RPS6KA2: variants seen among roughly 807,000 people sequenced by gnomAD.
The protein encoded by RPS6KA2 is ribosomal protein S6 kinase A2, also known as ribosomal protein S6 kinase alpha-2.
RPS6KA2 carries 42 observed loss-of-function variants against 91.8 expected under a neutral mutation model. The ratio of observed to expected loss-of-function variants is 0.46; its 90% CI spans 0.36 to 0.59. The LOEUF (loss-of-function observed/expected upper bound fraction) is 0.59. Among genes scored for constraint, RPS6KA2 ranks in the 20% least tolerant of loss-of-function variants. RPS6KA2 has a pLI of 0.00. For missense variants in RPS6KA2, 798 were observed against 978.5 expected (o/e 0.82, Z 2.46); for synonymous variants, 414 against 393.6 (o/e 1.05, Z -0.61).
At chr6:166,580,956 C>T (rs1784990285) in intron 1 of RPS6KA2, among the ~76,000 whole-genome samples, 1 of 152,074 alleles carries the variant, frequency 6.6e-6, no homozygotes, top group South Asian at 2.1e-4. Flanking sequence ...GGCTGGAATG[C>T]AGTGGCGCAA....
Position 166,666,689 on chromosome 6 carries a change from G to C in RPS6KA2, c.124-127905C>G, listed in dbSNP as rs945671709. Among the ~76,000 whole-genome samples, 1 of 152,200 alleles carries C rather than the reference G, an allele frequency of 6.6e-6. No homozygotes were observed. Among genetic ancestry groups the C allele is most frequent in the Non-Finnish European group, 1.5e-5 (1 of 68,038 alleles). ...GGTGGAAATGTAAAACGGTGCAGGAGCTCTGGAAAACAGTATGGCCATTCC... is the reference window on the plus strand; with the variant it reads ...GGTGGAAATGTAAAACGGTGCAGGACCTCTGGAAAACAGTATGGCCATTCC... On this transcript the variant is annotated intron_variant, in intron 2 of 21. Coordinates refer to the RPS6KA2 transcript ENST00000503859. The surrounding 1 kb of genome is among the most constrained non-coding windows in gnomAD (Gnocchi z 4.0).
intron 1 of RPS6KA2, among the ~76,000 whole-genome samples, chr6:166,861,040 C>A (rs954294959): frequency 1.3e-5 from 2 of 152,208 alleles, no homozygotes; most frequent in Non-Finnish European, 2.9e-5. Context: ...CTATGCCCAA[C>A]AGTCTCTGCT....
chr6:166,585,044 G>C (rs1366285349), intron 1 of RPS6KA2, among the ~76,000 whole-genome samples: 1 of 152,080 alleles, frequency 6.6e-6, no homozygotes. Flanking sequence ...GGTCATCTTT[G>C]CACCTCTGAG....
chr6:166,630,491 G>A (rs1787042427), upstream of RPS6KA2, among the ~76,000 whole-genome samples: 2 of 152,340 alleles, frequency 1.3e-5, no homozygotes, highest in African/African-American at 4.8e-5. Context: ...TTTTGCCATG[G>A]GAGGTGAATT....
Position 166,500,861 on chromosome 6 carries a change from G to C in RPS6KA2, c.604+26C>G, listed in dbSNP as rs1430815798. On this transcript the variant is annotated intron_variant, in intron 7 of 20. Transcript: ENST00000265678. This position sits in a 1 kb window ranked among gnomAD's most constrained non-coding sequence, Gnocchi z 4.3. Reference sequence around the variant, plus strand: ...GTACCAGGGCTGAGATGAAGCCATGGAGGGGGCCTGCCGTCTTTTACAAAC... The same window carrying C: ...GTACCAGGGCTGAGATGAAGCCATGCAGGGGGCCTGCCGTCTTTTACAAAC... 1 of 1,611,106 alleles carries C rather than the reference G, an allele frequency of 6.2e-7. No homozygotes were observed. Among genetic ancestry groups the C allele is most frequent in the Non-Finnish European group, 8.5e-7 (1 of 1,177,324 alleles).
intron 2 of RPS6KA2, among the ~76,000 whole-genome samples, chr6:166,777,943 TAAAAG>T (rs1778669499): frequency 6.6e-6 from 1 of 152,012 alleles, no homozygotes; most frequent in Non-Finnish European, 1.5e-5. Context: ...TTGAAAGATA[TAAAAG>T]AAGACTAAAG....
chr6:166,731,697 C>T (rs1461184113), intron 2 of RPS6KA2, among the ~76,000 whole-genome samples: 1 of 149,246 alleles, frequency 6.7e-6, no homozygotes, highest in East Asian at 1.9e-4. Context: ...CTACACACAA[C>T]CTCTGATGAG....
chr6:166,455,392 C>T (rs112482269), intron 12 of RPS6KA2, among the ~76,000 whole-genome samples: 28 of 152,136 alleles, frequency 1.8e-4, no homozygotes, highest in Non-Finnish European at 3.5e-4. Context: ...GGTGCTCTTC[C>T]TGGGGTAGGA....
intron 1 of RPS6KA2, among the ~76,000 whole-genome samples, chr6:166,560,939 T>G (rs944784202): frequency 1.6e-5 from 1 of 60,906 alleles, no homozygotes; most frequent in African/African-American, 1.3e-4. Flanking sequence ...AACATGGTGT[T>G]TTTTTTTTTC....
At chr6:166,524,700 C>T (rs915862555) in intron 3 of RPS6KA2, among the ~76,000 whole-genome samples, 17 of 152,290 alleles carry the variant, frequency 1.1e-4, no homozygotes, top group South Asian at 2.1e-4. Flanking sequence ...TTGCTTGAGC[C>T]GGCAGCACTC....
intron 3 of RPS6KA2, among the ~76,000 whole-genome samples, chr6:166,514,654 C>T (rs1782580720): frequency 1.3e-5 from 2 of 152,140 alleles, no homozygotes; most frequent in Non-Finnish European, 2.9e-5. Flanking sequence ...TGTTTAGGGC[C>T]TCTAGATTTA....
chr6:166,726,978 C>T lies in RPS6KA2; in HGVS notation c.123+131222G>A, dbSNP rs1790357179. Among the ~76,000 whole-genome samples the T allele has an allele frequency of 2.0e-5, 3 of 152,272 alleles. No homozygotes were observed. In the South Asian group the frequency reaches 6.2e-4, roughly 32 times the overall value. ...TTGCACTCATGAAGACATGGCCATT[C>T]CCAGGTATCTAGGTGTTCCTCCACT... On this transcript the variant is annotated intron_variant, in intron 2 of 21. Coordinates refer to the RPS6KA2 transcript ENST00000503859. This position sits in a 1 kb window ranked among gnomAD's most constrained non-coding sequence, Gnocchi z 4.4.
chr6:166,588,882 C>T (rs191257625), intron 1 of RPS6KA2, among the ~76,000 whole-genome samples: 167 of 152,258 alleles, frequency 1.1e-3, no homozygotes, highest in Non-Finnish European at 2.1e-3. Flanking sequence ...TGGCCAGGTG[C>T]GACTACCTGT....
chr6:166,480,499 AT>A lies in RPS6KA2; in HGVS notation c.907+8333del, dbSNP rs1401707425. ...TGATTTTATATATATATATATATAT[AT>A]ATATATATATATATAATATATTTTT... is the stretch of plus-strand genomic sequence containing the variant. On this transcript the variant is annotated intron_variant, in intron 10 of 20. Transcript: ENST00000265678. Among the ~76,000 whole-genome samples, 84 of 134,254 alleles carry A rather than the reference AT, an allele frequency of 6.3e-4. 3 individuals carry two copies. The highest frequency in any genetic ancestry group is 2.3e-3 in the African/African-American group (77 of 33,602). 88.1% of individuals were successfully genotyped at this position (134,254 alleles called of 152,430 possible). A position where few individuals can be genotyped will look rare whatever the true frequency, so the allele number is the denominator to read the frequency against.
chr6:166,550,994 C>CAAAGAAAAAAAAAAA (rs1784003036), intron 1 of RPS6KA2, among the ~76,000 whole-genome samples: 1 of 106,380 alleles, frequency 9.4e-6, no homozygotes. Context: ...GACTCTATCT[C>CAAAGAAAAAAAAAAA]AAAAAAAAAA....
rs1779897939 is a variant in RPS6KA2, at chr6:166,451,109, G to T, written c.1200C>A (p.Ile400=). The change falls in exon 13 of 21, where the codon ATC becomes ATA. Residue 400 remains isoleucine, a synonymous_variant. Transcript: ENST00000265678. The part of the protein sequence containing the change: ...QDLHKVPVHP[I]VQQLHGNNIH... ...TGCAGGCAAACACAGTTACCTGCAC[G>T]ATTGGGTGAACTGGGACTTTGTGCA... 1.2e-6 allele frequency: 2 copies of T among 1,614,026 alleles called. No homozygotes were observed. The highest frequency in any genetic ancestry group is 1.7e-6 in the Non-Finnish European group (2 of 1,179,952).
chr6:166,483,877 C>G (rs376381789), intron 10 of RPS6KA2, among the ~76,000 whole-genome samples: 1 of 152,210 alleles, frequency 6.6e-6, no homozygotes, highest in Non-Finnish European at 1.5e-5. Flanking sequence ...TCATGAAGAT[C>G]GGAGGAGATG....
chr6:166,789,024 T>A (rs764233583), intron 2 of RPS6KA2, among the ~76,000 whole-genome samples: 58 of 151,980 alleles, frequency 3.8e-4, no homozygotes, highest in Non-Finnish European at 1.5e-4. Flanking sequence ...GGACAGCGGG[T>A]GCAGCATACC....
intron 3 of RPS6KA2, among the ~76,000 whole-genome samples, chr6:166,511,026 C>T (rs563456031): frequency 2.6e-4 from 39 of 152,134 alleles, no homozygotes; most frequent in Admixed American, 6.5e-4. Context: ...AAACTGGAGG[C>T]GTGATAAGAT....
Sources: gnomAD v4.1 joint callset for allele counts (sites outside exome capture counted in the v4.1 genomes callset) on GRCh38, gnomAD v4.1.1 for gene constraint, Gnocchi (gnomAD v3.1) non-coding constraint, MANE v1.5 for transcripts, NCBI Gene and HGNC (gene_info 2026-07-23, HGNC 2026-07-21) for gene names.